TENM3: variants seen among roughly 807,000 people sequenced by gnomAD.
TENM3 encodes teneurin-3.
TENM3 carries 63 observed loss-of-function variants against 255.1 expected under a neutral mutation model. The ratio of observed to expected loss-of-function variants is 0.25; its 90% CI spans 0.20 to 0.30. The LOEUF (loss-of-function observed/expected upper bound fraction) is 0.30. TENM3 is among the 10% of genes least tolerant of loss of function. The probability of loss-of-function intolerance (pLI) is 1.00; values close to 1 mark genes in which losing one functional copy is unlikely to be tolerated. For synonymous variants in TENM3, 1,306 were observed against 1,322.3 expected, an observed-to-expected ratio of 0.99 and a Z score of 0.27; for missense variants, 2,929 against 3,461.1, an observed-to-expected ratio of 0.85 and a Z score of 3.86.
the TENM3 span, among the ~76,000 whole-genome samples, chr4:181,633,465 G>T: frequency 2.2e-4 from 33 of 152,198 alleles, no homozygotes; most frequent in East Asian, 6.0e-3. Context: ...GTCCCTGGAG[G>T]AGTCACACTC....
At chr4:181,650,628 A>C in the TENM3 span, among the ~76,000 whole-genome samples, 1 of 152,214 alleles carries the variant, frequency 6.6e-6, no homozygotes. Context: ...TAACATGCAC[A>C]GGAAAATATG....
intron 4 of TENM3, among the ~76,000 whole-genome samples, chr4:182,622,780 A>G (rs939220706): frequency 6.6e-6 from 1 of 151,904 alleles, no homozygotes; most frequent in African/African-American, 2.4e-5. Context: ...CATTTTATTT[A>G]TTTTACACAT....
intron 13 of TENM3, among the ~76,000 whole-genome samples, chr4:182,726,368 C>T (rs980411311): frequency 0.037 from 41 of 1,098 alleles, no homozygotes; most frequent in African/African-American, 0.094. Flanking sequence ...GGAGGTCAAG[C>T]GCAGCTTATG....
the TENM3 span, among the ~76,000 whole-genome samples, chr4:181,456,170 T>C: frequency 7.5e-6 from 1 of 132,662 alleles, no homozygotes; most frequent in African/African-American, 3.2e-5. Flanking sequence ...CACATGTGTG[T>C]GTATATATGT....
chr4:182,793,231 G>A lies in TENM3; in HGVS notation c.6559G>A (p.Val2187Ile). Residue 2187 changes from valine to isoleucine, a missense_variant, in exon 26 of 28, where the codon GTT becomes ATT. Physicochemically the swap from Val to Ile is conservative, Grantham distance 29 (BLOSUM62 3). Coordinates refer to ENST00000511685, the MANE Select transcript of TENM3 (RefSeq NM_001080477.4). This position sits in a 1 kb window ranked among gnomAD's most constrained non-coding sequence, Gnocchi z 5.7. The part of the protein sequence containing the change: ...LRDRITRLGD[V>I]QYRLDEDGFL... Reference sequence around the variant, plus strand: ...AGACAGAATCACTCGACTGGGTGATGTTCAATATCGGTTGGATGAAGATGG... The same window carrying A: ...AGACAGAATCACTCGACTGGGTGATATTCAATATCGGTTGGATGAAGATGG... The A allele has an allele frequency of 6.2e-7, 1 of 1,613,930 alleles. No individual in the cohort carries two copies. Among genetic ancestry groups the A allele is most frequent in the Non-Finnish European group, 8.5e-7 (1 of 1,179,808 alleles).
the TENM3 span, among the ~76,000 whole-genome samples, chr4:181,461,868 T>G: frequency 6.6e-6 from 1 of 152,322 alleles, no homozygotes; most frequent in Admixed American, 6.5e-5. Flanking sequence ...ATGGCTTGAT[T>G]ATTCTCCTGG....
At chr4:181,600,655 G>A in the TENM3 span, among the ~76,000 whole-genome samples, 1 of 151,674 alleles carries the variant, frequency 6.6e-6, no homozygotes, top group African/African-American at 2.4e-5. Context: ...GGGCTTCTGG[G>A]TGGGAGCCAT....
At chr4:181,653,718 T>A in the TENM3 span, among the ~76,000 whole-genome samples, 397 of 146,618 alleles carry the variant, frequency 2.7e-3, 1 homozygote, top group African/African-American at 9.1e-3. Flanking sequence ...TTTTTTTTTT[T>A]AAATTATGGG....
chr4:181,792,609 T>G, the TENM3 span, among the ~76,000 whole-genome samples: 1 of 152,212 alleles, frequency 6.6e-6, no homozygotes, highest in South Asian at 2.1e-4. Context: ...GGGCAATTAT[T>G]TATGAGTAAT....
chr4:181,749,776 G>A, the TENM3 span, among the ~76,000 whole-genome samples: 67 of 152,126 alleles, frequency 4.4e-4, no homozygotes, highest in Admixed American at 7.9e-4. Context: ...ATTAATGCCC[G>A]TTATTATCAA....
chr4:182,763,511 G>C (rs1002724060), intron 22 of TENM3, among the ~76,000 whole-genome samples: 30 of 151,800 alleles, frequency 2.0e-4, no homozygotes, highest in African/African-American at 6.5e-4. Flanking sequence ...CTTGCAGTGA[G>C]CCCAGATCGT....
Position 182,793,615 on chromosome 4 carries a change from C to G in TENM3, c.6943C>G (p.Gln2315Glu). 1 of 1,613,994 alleles carries G rather than the reference C, an allele frequency of 6.2e-7. No homozygotes were observed. Residue 2315 changes from glutamine to glutamate, a missense_variant, in exon 26 of 28, where the codon CAG becomes GAG. Gln to Glu is a conservative substitution (Grantham distance 29). Transcript: ENST00000511685. The surrounding 1 kb of genome is among the most constrained non-coding windows in gnomAD (Gnocchi z 5.7). ...CAGTAGCAATGGGCTTATGCTGAAA[C>G]AGATTCAGTACACTGCATATGGGGA... ...VFSSNGLMLK[Q>E]IQYTAYGEIY...
the TENM3 span, among the ~76,000 whole-genome samples, chr4:181,518,061 T>C: frequency 0.14 from 21,987 of 152,152 alleles, 1,865 homozygotes; most frequent in South Asian, 0.28. Context: ...CAATTTAAAG[T>C]GACATGGGAG....
chr4:181,842,561 A>G, the TENM3 span, among the ~76,000 whole-genome samples: 2 of 152,142 alleles, frequency 1.3e-5, no homozygotes, highest in Non-Finnish European at 2.9e-5. Context: ...TGCTTTTGCT[A>G]TGTGAAGCTC....
At chr4:182,512,903 G>A (rs529386219) in intron 3 of TENM3, among the ~76,000 whole-genome samples, 5 of 152,206 alleles carry the variant, frequency 3.3e-5, no homozygotes, top group African/African-American at 1.2e-4. Flanking sequence ...CAGTTTATAC[G>A]TCTATACTGG....
chr4:182,800,134 C>T lies in TENM3; in HGVS notation c.7883C>T (p.Ala2628Val), dbSNP rs971138012. ...ATCCTGGAGCAGGCGCGGCAGCGCG[C>T]GCTCGCCCGGGCCTGGGCGCGCGAG... ...ARILEQARQR[A>V]LARAWAREQQ... Residue 2628 changes from alanine to valine, a missense_variant, in exon 28 of 28, where the codon GCG becomes GTG. By Grantham distance (64) the Ala-to-Val change is moderately conservative (BLOSUM62 0). Coordinates refer to ENST00000511685, the MANE Select transcript of TENM3 (RefSeq NM_001080477.4). 2.1e-6 allele frequency: 3 copies of T among 1,462,324 alleles called. No individual in the cohort carries two copies. Among genetic ancestry groups the T allele is most frequent in the African/African-American group, 1.5e-5 (1 of 67,504 alleles). 90.6% of individuals were successfully genotyped at this position (1,462,324 alleles called of 1,614,324 possible). A position where few individuals can be genotyped will look rare whatever the true frequency, so the allele number is the denominator to read the frequency against.
the TENM3 span, among the ~76,000 whole-genome samples, chr4:181,745,796 T>G: frequency 0.01 from 1,550 of 152,156 alleles, 29 homozygotes; most frequent in African/African-American, 0.035. Flanking sequence ...ATAAACAGAA[T>G]GGGGAAATAA....
intron 24 of TENM3, among the ~76,000 whole-genome samples, chr4:182,784,716 C>T (rs1306861766): frequency 6.6e-5 from 10 of 151,580 alleles, no homozygotes; most frequent in African/African-American, 2.2e-4. Flanking sequence ...ACTCCGTGGG[C>T]GTAGGACCCT....
chr4:182,112,220 C>A, the TENM3 span, among the ~76,000 whole-genome samples: 180 of 152,226 alleles, frequency 1.2e-3, no homozygotes, highest in African/African-American at 4.1e-3. Context: ...TTTTATTGAC[C>A]TGACCACAAA....
Sources: gnomAD v4.1 joint callset for allele counts (sites outside exome capture counted in the v4.1 genomes callset) on GRCh38, gnomAD v4.1.1 for gene constraint, Gnocchi (gnomAD v3.1) non-coding constraint, MANE v1.5 for transcripts, NCBI Gene and HGNC (gene_info 2026-07-23, HGNC 2026-07-21) for gene names.